CPNE8: variants seen among roughly 807,000 people sequenced by gnomAD.
CPNE8 encodes the protein copine-8.
A neutral mutation model predicts 81.5 loss-of-function variants in CPNE8; 45 were observed. The observed-to-expected ratio is 0.55, with a 90% CI of 0.44 to 0.71. The LOEUF is 0.71. Ranked by LOEUF, CPNE8 falls within the 30% of genes least tolerant of loss-of-function variation. CPNE8 has a pLI of 0.00. For missense variants in CPNE8, 594 were observed against 672.1 expected (o/e 0.88, Z 1.28); for synonymous variants, 252 against 226.3 (o/e 1.11, Z -1.02).
intron 5 of CPNE8, among the ~76,000 whole-genome samples, chr12:38,830,484 T>A (rs1027521277): frequency 6.6e-6 from 1 of 152,162 alleles, no homozygotes; most frequent in East Asian, 1.9e-4. Flanking sequence ...CATCTGGATA[T>A]GTAGGTCAAG....
chr12:38,767,569 G>GA, intron 8 of CPNE8, 66 bp downstream of exon 8: 3 of 979,296 alleles, frequency 3.1e-6, no homozygotes, highest in Non-Finnish European at 4.4e-6. Flanking sequence ...GCTTCTCTGA[G>GA]AAAAATAATT....
intron 6 of CPNE8, among the ~76,000 whole-genome samples, chr12:38,822,784 T>G (rs758499617): frequency 6.6e-6 from 1 of 152,140 alleles, no homozygotes; most frequent in Admixed American, 6.5e-5. Context: ...AGTATAGATG[T>G]AAAAACGGCC....
chr12:38,817,387 T>C (rs17126696), intron 6 of CPNE8, among the ~76,000 whole-genome samples: 5,027 of 152,254 alleles, frequency 0.033, 268 homozygotes, highest in East Asian at 0.19. Context: ...TTGAGCCCTG[T>C]TTATCTCAGA....
chr12:38,728,550 C>CA (rs1411669439), intron 11 of CPNE8, among the ~76,000 whole-genome samples: 2 of 150,840 alleles, frequency 1.3e-5, no homozygotes, highest in East Asian at 3.9e-4. Context: ...AGGAACGAAA[C>CA]AAAAAAAGAA....
chr12:38,704,826 G>GTATATATATATATATA (rs573232937), intron 13 of CPNE8, among the ~76,000 whole-genome samples: 9 of 50,192 alleles, frequency 1.8e-4, no homozygotes, highest in Non-Finnish European at 3.8e-4. Context: ...GTATGTATGT[G>GTATATATATATATATA]TATATATATA....
intron 15 of CPNE8, among the ~76,000 whole-genome samples, chr12:38,686,450 A>T (rs921747302): frequency 6.6e-6 from 1 of 152,324 alleles, no homozygotes; most frequent in East Asian, 1.9e-4. Flanking sequence ...ATGCCCTGTC[A>T]TTATTAGGTT....
At chr12:38,874,782 C>T (rs1031252364) in intron 1 of CPNE8, among the ~76,000 whole-genome samples, 5 of 152,046 alleles carry the variant, frequency 3.3e-5, no homozygotes, top group African/African-American at 9.7e-5. Flanking sequence ...TCCTTACATC[C>T]TAAGATTAAA....
chr12:38,845,603 A>AAT (rs10688139), intron 4 of CPNE8, among the ~76,000 whole-genome samples: 20,470 of 150,652 alleles, frequency 0.14, 2,206 homozygotes, highest in African/African-American at 0.3. Context: ...TCACAGGTAT[A>AAT]ATATATATAT....
chr12:38,818,061 G>A (rs1269780545), intron 6 of CPNE8, among the ~76,000 whole-genome samples: 1 of 152,120 alleles, frequency 6.6e-6, no homozygotes, highest in Non-Finnish European at 1.5e-5. Context: ...TATAATAACA[G>A]TACTTGTCTA....
intron 6 of CPNE8, among the ~76,000 whole-genome samples, chr12:38,780,758 C>T (rs1345598062): frequency 6.6e-6 from 1 of 151,950 alleles, no homozygotes; most frequent in Non-Finnish European, 1.5e-5. Flanking sequence ...CAGTAAAGAT[C>T]TATTCTAAAA....
At chr12:38,885,087 T>C (rs898391991) in intron 1 of CPNE8, among the ~76,000 whole-genome samples, 1 of 152,190 alleles carries the variant, frequency 6.6e-6, no homozygotes, top group Non-Finnish European at 1.5e-5. Flanking sequence ...TTTAAAATTT[T>C]GGCATAAAGG....
intron 4 of CPNE8, among the ~76,000 whole-genome samples, chr12:38,845,616 A>G (rs1213256379): frequency 6.6e-6 from 1 of 152,046 alleles, no homozygotes; most frequent in Admixed American, 6.6e-5. Context: ...ATATATATAT[A>G]TAACTCGTGA....
At chr12:38,659,080 C>T (rs1054895627) in intron 19 of CPNE8, among the ~76,000 whole-genome samples, 1 of 151,908 alleles carries the variant, frequency 6.6e-6, no homozygotes, top group Non-Finnish European at 1.5e-5. Flanking sequence ...GGGCTAAATG[C>T]CCCAATTAAA....
chr12:38,799,006 A>G (rs1043515153), intron 6 of CPNE8, among the ~76,000 whole-genome samples: 1 of 152,228 alleles, frequency 6.6e-6, no homozygotes, highest in East Asian at 1.9e-4. Flanking sequence ...TAACTGTCCT[A>G]AATATATATT....
intron 15 of CPNE8, among the ~76,000 whole-genome samples, chr12:38,690,510 A>G (rs1395258178): frequency 6.6e-6 from 1 of 152,192 alleles, no homozygotes. Flanking sequence ...GCTATTCTTC[A>G]TAGATTTAAA....
intron 8 of CPNE8, among the ~76,000 whole-genome samples, chr12:38,764,960 C>T (rs931190898): frequency 2.0e-5 from 3 of 152,122 alleles, no homozygotes; most frequent in African/African-American, 4.8e-5. Flanking sequence ...TGTCTACTGA[C>T]TTTTTGGCCT....
intron 6 of CPNE8, among the ~76,000 whole-genome samples, chr12:38,780,232 A>T (rs1455214643): frequency 6.6e-6 from 1 of 152,086 alleles, no homozygotes; most frequent in Non-Finnish European, 1.5e-5. Context: ...ATATGTTTGG[A>T]TTAGACAAAG....
chr12:38,799,681 G>A (rs980427679), intron 6 of CPNE8, among the ~76,000 whole-genome samples: 49 of 151,918 alleles, frequency 3.2e-4, no homozygotes, highest in Non-Finnish European at 6.0e-4. Flanking sequence ...GAACAGCTCC[G>A]GTCTACAGCT....
Position 38,839,773 on chromosome 12 carries a change from G to A in CPNE8, c.330+143C>T, listed in dbSNP as rs560553361. On this transcript the variant is annotated intron_variant, in intron 5 of 19. Transcript: ENST00000331366. ...AGCTCCTCCAAAATGTTTTTCTGGG[G>A]TTCTTTTAAAATGTTACTTATTTTC... is the stretch of plus-strand genomic sequence containing the variant. The A allele has an allele frequency of 2.1e-5, 16 of 751,058 alleles. No individual in the cohort carries two copies. The South Asian group carries it at 6.3e-4, about 30-fold the overall frequency. The allele number at this position is 751,058 out of a possible 1,614,324, so 46.5% of individuals were successfully genotyped here. A position where few individuals can be genotyped will look rare whatever the true frequency, so the allele number is the denominator to read the frequency against.
Sources: allele counts gnomAD v4.1 joint callset (sites outside exome capture counted in the v4.1 genomes callset), GRCh38; gene constraint gnomAD v4.1.1; transcripts MANE v1.5; gene names NCBI Gene and HGNC (gene_info 2026-07-23, HGNC 2026-07-21).